Variants in NRG3 observed in about 807,000 individuals in gnomAD.
NRG3 encodes the protein neuregulin 3.
Under a neutral mutation model 66.9 loss-of-function variants are expected in NRG3, and 31 were observed. The ratio of observed to expected loss-of-function variants is 0.46; its 90% CI spans 0.35 to 0.63. NRG3 has a LOEUF of 0.63. NRG3 is among the 20% of genes least tolerant of loss of function. The pLI is 0.00. For synonymous variants in NRG3, 393 were observed against 359.4 expected (o/e 1.09, Z -1.06); for missense variants, 910 against 878.9 (o/e 1.04, Z -0.45).
At chr10:82,438,833 C>T (rs1355668991) in intron 2 of NRG3, among the ~76,000 whole-genome samples, 1 of 152,154 alleles carries the variant, frequency 6.6e-6, no homozygotes, top group Non-Finnish European at 1.5e-5. Context: ...GCTCTTCCTT[C>T]TCTTCATGAG....
intron 1 of NRG3, among the ~76,000 whole-genome samples, chr10:81,975,314 C>CATCTATCTATCTATCT (rs140419592): frequency 1.4e-5 from 2 of 143,718 alleles, no homozygotes; most frequent in East Asian, 2.1e-4. Context: ...AATTGTGTAA[C>CATCTATCTATCTATCT]ATCTATCTAT....
chr10:82,026,046 C>T (rs1185411577), intron 1 of NRG3, among the ~76,000 whole-genome samples: 2 of 151,996 alleles, frequency 1.3e-5, no homozygotes, highest in Admixed American at 1.3e-4. Flanking sequence ...AATAATCAAG[C>T]CCTTATAAGA....
chr10:82,951,873 A>G (rs1246223053), intron 5 of NRG3, among the ~76,000 whole-genome samples: 3 of 152,218 alleles, frequency 2.0e-5, no homozygotes, highest in African/African-American at 7.2e-5. Flanking sequence ...ACTTGCTGGT[A>G]TTAAGGGCTT....
intron 1 of NRG3, among the ~76,000 whole-genome samples, chr10:81,891,282 C>T (rs1487091450): frequency 6.6e-6 from 1 of 152,092 alleles, no homozygotes; most frequent in Non-Finnish European, 1.5e-5. Context: ...AAGGTTATTC[C>T]CAAAGGCCTG....
chr10:82,628,272 G>A (rs770201347), intron 2 of NRG3, among the ~76,000 whole-genome samples: 22 of 152,168 alleles, frequency 1.4e-4, no homozygotes, highest in Non-Finnish European at 2.4e-4. Context: ...TTTTTCTGCA[G>A]TAAATGATTA....
At chr10:82,545,623 C>T (rs1353274252) in intron 2 of NRG3, among the ~76,000 whole-genome samples, 2 of 151,808 alleles carry the variant, frequency 1.3e-5, no homozygotes, top group South Asian at 2.1e-4. Flanking sequence ...CCTCGTGATC[C>T]GCCCGCCTCG....
chr10:82,232,787 C>A, intron 1 of NRG3: 1 of 717,302 alleles, frequency 1.4e-6, no homozygotes, highest in South Asian at 1.5e-5. Context: ...ATGGGGAAGA[C>A]CAGAGTGGTC....
intron 1 of NRG3, among the ~76,000 whole-genome samples, chr10:82,034,872 C>A (rs968546246): frequency 6.6e-6 from 1 of 152,022 alleles, no homozygotes; most frequent in African/African-American, 2.4e-5. Context: ...TACGGTCTGG[C>A]AGCCCACACC....
chr10:82,524,693 T>G (rs1846518830), intron 2 of NRG3, among the ~76,000 whole-genome samples: 1 of 151,938 alleles, frequency 6.6e-6, no homozygotes, highest in Non-Finnish European at 1.5e-5. Flanking sequence ...TAGAGCAGTC[T>G]TTCCTGAAAA....
chr10:82,808,640 A>G (rs2061378236), intron 3 of NRG3, among the ~76,000 whole-genome samples: 1 of 152,220 alleles, frequency 6.6e-6, no homozygotes, highest in Non-Finnish European at 1.5e-5. Context: ...TTTTTCTGCA[A>G]TGACAAAACT....
At chr10:82,284,487 A>C (rs914050566) in intron 1 of NRG3, among the ~76,000 whole-genome samples, 1 of 152,198 alleles carries the variant, frequency 6.6e-6, no homozygotes, top group African/African-American at 2.4e-5. Flanking sequence ...TGAGGAGTTT[A>C]TTAACAAGAA....
intron 1 of NRG3, among the ~76,000 whole-genome samples, chr10:82,196,352 G>C (rs1230751767): frequency 1.3e-5 from 2 of 152,166 alleles, no homozygotes; most frequent in East Asian, 3.9e-4. Context: ...AATGTGCTAT[G>C]AATGGTTTTG....
intron 2 of NRG3, among the ~76,000 whole-genome samples, chr10:82,702,714 A>G (rs1572334): frequency 0.31 from 47,271 of 151,964 alleles, 8,644 homozygotes; most frequent in African/African-American, 0.5. Flanking sequence ...TCCGACTTGA[A>G]AACTGAAGGG....
At chr10:82,287,856 A>G (rs933376750) in intron 1 of NRG3, among the ~76,000 whole-genome samples, 1 of 152,178 alleles carries the variant, frequency 6.6e-6, no homozygotes, top group African/African-American at 2.4e-5. Context: ...TCAAGAAACC[A>G]GAAGACATGG....
chr10:82,002,309 C>T (rs558312790), intron 1 of NRG3, among the ~76,000 whole-genome samples: 4 of 152,226 alleles, frequency 2.6e-5, no homozygotes, highest in South Asian at 2.1e-4. Flanking sequence ...ATGGGCCTGT[C>T]GAGAATTCCT....
chr10:82,659,294 A>G (rs1245026405), intron 2 of NRG3, among the ~76,000 whole-genome samples: 2 of 152,252 alleles, frequency 1.3e-5, no homozygotes, highest in Non-Finnish European at 2.9e-5. Flanking sequence ...GACTTTCTAC[A>G]TGATAGTCCC....
chr10:82,708,203 T>A (rs1489844129), intron 2 of NRG3, among the ~76,000 whole-genome samples: 4 of 152,214 alleles, frequency 2.6e-5, no homozygotes, highest in Non-Finnish European at 5.9e-5. Flanking sequence ...AAGCATATGC[T>A]ATATCCTCTC....
intron 4 of NRG3, among the ~76,000 whole-genome samples, chr10:82,909,409 A>C (rs897990742): frequency 2.6e-5 from 4 of 152,184 alleles, no homozygotes; most frequent in East Asian, 3.8e-4. Flanking sequence ...CATTGACATG[A>C]TGCTACAACT....
chr10:82,430,326 C>T (rs1482028710), intron 2 of NRG3, among the ~76,000 whole-genome samples: 2 of 151,926 alleles, frequency 1.3e-5, no homozygotes, highest in Non-Finnish European at 2.9e-5. Context: ...GGCGCCATCT[C>T]GGCTCACTGT....
Sources: allele counts gnomAD v4.1 joint callset (sites outside exome capture counted in the v4.1 genomes callset), GRCh38; gene constraint gnomAD v4.1.1; transcripts MANE v1.5; gene names NCBI Gene and HGNC (gene_info 2026-07-23, HGNC 2026-07-21).